The following DAB1 variants were observed in gnomAD, a reference collection of about 807,000 sequenced individuals.
The protein encoded by DAB1 is disabled homolog 1.
A neutral mutation model predicts 64.6 loss-of-function variants in DAB1; 15 were observed. That is an observed-to-expected ratio of 0.23 (90% CI 0.16 to 0.36). The LOEUF (loss-of-function observed/expected upper bound fraction) is 0.36. DAB1 is among the 10% of genes least tolerant of loss of function. The pLI, the probability that DAB1 is intolerant of heterozygous loss-of-function variation, is 1.00. For missense variants in DAB1, 596 were observed against 706.7 expected (o/e 0.84, Z 1.78); for synonymous variants, 235 against 251.9 (o/e 0.93, Z 0.64).
intron 5 of DAB1, among the ~76,000 whole-genome samples, chr1:58,055,467 C>T (rs755523109): frequency 1.3e-5 from 2 of 152,110 alleles, no homozygotes; most frequent in Non-Finnish European, 2.9e-5. Flanking sequence ...TTCCCTTTTC[C>T]GCTTTGTTTT....
intron 1 of DAB1, among the ~76,000 whole-genome samples, chr1:57,340,800 T>C (rs11207012): frequency 0.51 from 77,575 of 151,928 alleles, 20,547 homozygotes; most frequent in Non-Finnish European, 0.56. Context: ...GAAGTTTTCA[T>C]TGCTGGTAAA....
At chr1:57,938,874 C>G (rs890257989) in intron 5 of DAB1, among the ~76,000 whole-genome samples, 1 of 151,962 alleles carries the variant, frequency 6.6e-6, no homozygotes, top group African/African-American at 2.4e-5. Flanking sequence ...CTGGACTCTC[C>G]TCTTGTACCA....
intron 2 of DAB1, among the ~76,000 whole-genome samples, chr1:57,284,243 A>T (rs1401535328): frequency 2.6e-5 from 4 of 152,190 alleles, no homozygotes; most frequent in Non-Finnish European, 5.9e-5. Flanking sequence ...GAAAGACGAG[A>T]CATAAATATC....
At chr1:57,776,803 A>G (rs1045947963) in intron 6 of DAB1, among the ~76,000 whole-genome samples, 1 of 151,842 alleles carries the variant, frequency 6.6e-6, no homozygotes, top group African/African-American at 2.4e-5. Context: ...CCACAACACA[A>G]TGTTGTTATT....
intron 7 of DAB1, among the ~76,000 whole-genome samples, chr1:57,488,617 G>A (rs1027072105): frequency 1.1e-4 from 16 of 145,136 alleles, no homozygotes; most frequent in African/African-American, 3.6e-4. Context: ...TGGAGGTTGC[G>A]GTGAGCCAAG....
chr1:57,691,768 CA>C (rs757105754), intron 6 of DAB1, among the ~76,000 whole-genome samples: 10 of 152,060 alleles, frequency 6.6e-5, no homozygotes, highest in Admixed American at 1.3e-4. Context: ...GAATAAATTC[CA>C]GACACATTTT....
chr1:57,942,831 T>C (rs918534515), intron 5 of DAB1, among the ~76,000 whole-genome samples: 1 of 152,200 alleles, frequency 6.6e-6, no homozygotes, highest in African/African-American at 2.4e-5. Context: ...AATGTCTGTC[T>C]TGCTGAGTCA....
At chr1:58,357,274 T>C (rs1644120870) in intron 3 of DAB1, among the ~76,000 whole-genome samples, 1 of 151,982 alleles carries the variant, frequency 6.6e-6, no homozygotes, top group African/African-American at 2.4e-5. Context: ...GGAAAACTGA[T>C]AGAGTCAGAG....
At chr1:57,051,033 C>A (rs1449140830) in intron 9 of DAB1, among the ~76,000 whole-genome samples, 1 of 152,180 alleles carries the variant, frequency 6.6e-6, no homozygotes, top group Admixed American at 6.5e-5. Context: ...TTGAGAGATT[C>A]TTGCATTGGA....
At position 57,813,314 on chromosome 1, in the gene DAB1, G is replaced by A. The variant is rs770714236; in HGVS notation, n.551+70685C>T. On this transcript the variant is annotated intron_variant and non_coding_transcript_variant, in intron 6 of 20. Transcript: ENST00000485760. ...AGAACACTTGCATATCTTTTAGATT[G>A]CAAGGCTAGATTCTGATGAGAATAT... Among the ~76,000 whole-genome samples, 109 of 152,294 alleles carry A rather than the reference G, an allele frequency of 7.2e-4. 1 individual carries two copies. The highest frequency in any genetic ancestry group is 6.2e-4 in the South Asian group (3 of 4,824).
rs191326148 is a variant in DAB1, at chr1:58,011,750, C to T, written n.388-127588G>A. 4.0e-3 allele frequency among the ~76,000 whole-genome samples: 603 copies of T among 152,190 alleles called. 7 individuals are homozygous for T. The highest frequency in any genetic ancestry group is 0.014 in the African/African-American group (567 of 41,534). ...TCGCCCAGGCTGGAGTGCAGTGGTG[C>T]GATCTCAGCTCATTGCAATTTCCCC... On this transcript the variant is annotated intron_variant and non_coding_transcript_variant, in intron 5 of 20. Coordinates refer to the DAB1 transcript ENST00000485760.
intron 7 of DAB1, among the ~76,000 whole-genome samples, chr1:57,552,558 C>G (rs956735079): frequency 6.6e-6 from 1 of 152,188 alleles, no homozygotes; most frequent in Non-Finnish European, 1.5e-5. Flanking sequence ...ATGAAAGTTT[C>G]AGATGAGCAG....
intron 3 of DAB1, among the ~76,000 whole-genome samples, chr1:58,455,814 G>A (rs748785033): frequency 2.6e-5 from 4 of 152,210 alleles, no homozygotes; most frequent in Non-Finnish European, 4.4e-5. Context: ...CAAGTGAGTG[G>A]TGTCTCCTTC....
intron 5 of DAB1, among the ~76,000 whole-genome samples, chr1:58,149,659 T>C (rs956034226): frequency 5.3e-5 from 8 of 152,156 alleles, no homozygotes; most frequent in African/African-American, 1.9e-4. Flanking sequence ...CAACTGAGTG[T>C]TGAAACCAAC....
At chr1:57,525,401 T>C (rs575442205) in intron 7 of DAB1, among the ~76,000 whole-genome samples, 34 of 151,808 alleles carry the variant, frequency 2.2e-4, no homozygotes, top group African/African-American at 1.5e-4. Context: ...GTTGAAGTAT[T>C]TGAAAAAAAT....
chr1:58,493,440 T>G (rs1322095262), intron 3 of DAB1, among the ~76,000 whole-genome samples: 2 of 151,922 alleles, frequency 1.3e-5, no homozygotes, highest in African/African-American at 4.8e-5. Flanking sequence ...GAGAAAGAAA[T>G]AAAGGGTATT....
At chr1:57,559,338 A>G (rs1048229955) in intron 7 of DAB1, among the ~76,000 whole-genome samples, 1 of 152,342 alleles carries the variant, frequency 6.6e-6, no homozygotes, top group Non-Finnish European at 1.5e-5. Context: ...GAGCCAGTTT[A>G]TAGACTCAGA....
chr1:57,468,266 T>C (rs888436264), intron 7 of DAB1, among the ~76,000 whole-genome samples: 1 of 152,082 alleles, frequency 6.6e-6, no homozygotes, highest in Non-Finnish European at 1.5e-5. Flanking sequence ...GTGGGGAACA[T>C]GCATGGCTAA....
intron 7 of DAB1, among the ~76,000 whole-genome samples, chr1:57,565,652 C>T (rs1645110116): frequency 6.6e-6 from 1 of 152,028 alleles, no homozygotes; most frequent in South Asian, 2.1e-4. Context: ...AGACTTTAAA[C>T]CAACAAAGAT....
Sources: allele counts gnomAD v4.1 joint callset (sites outside exome capture counted in the v4.1 genomes callset), GRCh38; gene constraint gnomAD v4.1.1; transcripts MANE v1.5; gene names NCBI Gene and HGNC (gene_info 2026-07-23, HGNC 2026-07-21).